Variants in FSTL4 observed in about 807,000 individuals in gnomAD.
FSTL4 encodes follistatin like 4, also known as follistatin-related protein 4.
In FSTL4, 28 loss-of-function variants were observed where a neutral mutation model predicts 78.2. The observed-to-expected ratio is 0.36, with a 90% CI of 0.27 to 0.49. The LOEUF (loss-of-function observed/expected upper bound fraction) is 0.49, where lower values mean the gene tolerates loss of function less well. Ranked by LOEUF, FSTL4 falls within the 20% of genes least tolerant of loss-of-function variation. The pLI, the probability that FSTL4 is intolerant of heterozygous loss-of-function variation, is 0.98. For synonymous variants in FSTL4, 422 were observed against 440.5 expected (o/e 0.96, Z 0.53); for missense variants, 922 against 1,084.9 (o/e 0.85, Z 2.11).
intron 6 of FSTL4, among the ~76,000 whole-genome samples, chr5:133,270,565 G>A (rs1342186682): frequency 4.6e-5 from 7 of 152,180 alleles, no homozygotes; most frequent in South Asian, 2.1e-4. Flanking sequence ...GGGGCAGTCC[G>A]CCTCCTCTGA....
chr5:133,677,088 T>G, the FSTL4 span, among the ~76,000 whole-genome samples: 221 of 152,340 alleles, frequency 1.5e-3, 1 homozygote, highest in African/African-American at 5.1e-3. Flanking sequence ...AATTTAGTCT[T>G]TGGAAAAGAT....
At chr5:133,436,352 T>C (rs1041760920) in intron 3 of FSTL4, among the ~76,000 whole-genome samples, 7 of 152,170 alleles carry the variant, frequency 4.6e-5, no homozygotes, top group South Asian at 2.1e-4. Flanking sequence ...GGGGAGGCAG[T>C]GGGAGTGCTC....
chr5:133,689,025 G>A, the FSTL4 span, among the ~76,000 whole-genome samples: 1 of 151,780 alleles, frequency 6.6e-6, no homozygotes, highest in Non-Finnish European at 1.5e-5. Context: ...TAAGACTCTG[G>A]TGTCATTGCT....
At chr5:133,495,097 G>A (rs995620873) in intron 3 of FSTL4, among the ~76,000 whole-genome samples, 3 of 152,142 alleles carry the variant, frequency 2.0e-5, no homozygotes, top group Middle Eastern at 3.2e-3. Flanking sequence ...GGGGAAACGA[G>A]CAGCCAGAAA....
chr5:133,704,133 A>G, the FSTL4 span, among the ~76,000 whole-genome samples: 5 of 152,250 alleles, frequency 3.3e-5, no homozygotes, highest in Admixed American at 6.5e-5. Flanking sequence ...CAAGATCTTG[A>G]CTGGTAGCAG....
the FSTL4 span, among the ~76,000 whole-genome samples, chr5:133,806,184 C>T: frequency 2.6e-5 from 4 of 152,116 alleles, no homozygotes; most frequent in South Asian, 8.3e-4. Flanking sequence ...GTCTTGGTGT[C>T]GGACGTCTGT....
chr5:133,566,648 A>C (rs1760032821), intron 3 of FSTL4, among the ~76,000 whole-genome samples: 1 of 152,258 alleles, frequency 6.6e-6, no homozygotes, highest in Admixed American at 6.5e-5. Context: ...TTTACCTCAG[A>C]GACCATAAAA....
At chr5:133,456,030 C>T (rs1028934566) in intron 3 of FSTL4, among the ~76,000 whole-genome samples, 2 of 152,184 alleles carry the variant, frequency 1.3e-5, no homozygotes, top group Non-Finnish European at 2.9e-5. Flanking sequence ...CTACTTGCTA[C>T]GTGTAAGGCA....
chr5:133,589,286 T>TAAAAAAAAAA (rs113649317), intron 2 of FSTL4, among the ~76,000 whole-genome samples: 2 of 80,382 alleles, frequency 2.5e-5, no homozygotes, highest in East Asian at 5.2e-4. Flanking sequence ...TAGAGTATAA[T>TAAAAAAAAAA]AAAAAAAAAA....
At chr5:133,831,347 G>T in the FSTL4 span, among the ~76,000 whole-genome samples, 1 of 152,116 alleles carries the variant, frequency 6.6e-6, no homozygotes, top group Non-Finnish European at 1.5e-5. Context: ...ACATCTTGAG[G>T]TTACCAAATT....
At chr5:133,757,309 A>C in the FSTL4 span, among the ~76,000 whole-genome samples, 1 of 152,254 alleles carries the variant, frequency 6.6e-6, no homozygotes, top group African/African-American at 2.4e-5. Flanking sequence ...AACATTTATC[A>C]ATGAATATTT....
intron 2 of FSTL4, among the ~76,000 whole-genome samples, chr5:133,598,595 T>C (rs1303998406): frequency 6.6e-6 from 1 of 152,130 alleles, no homozygotes; most frequent in African/African-American, 2.4e-5. Flanking sequence ...TGACTCAGAA[T>C]AATCAGCAGA....
Position 133,226,006 on chromosome 5 carries a change from T to C in FSTL4, c.1016-187A>G, listed in dbSNP as rs11948392. 9.2e-3 allele frequency: 3,947 copies of C among 430,094 alleles called. 132 individuals carry two copies. Among genetic ancestry groups the C allele is most frequent in the African/African-American group, 0.07 (3,484 of 49,568 alleles). 26.6% of individuals were successfully genotyped at this position (430,094 alleles called of 1,614,324 possible). The stretch of plus-strand genomic sequence containing the variant: ...CTAAAAGAAAGGGCTATAAAATAGA[T>C]TGCAGATAATAAACATGTCAGACTT... On this transcript the variant is annotated intron_variant, in intron 8 of 15. Coordinates refer to ENST00000265342, the MANE Select transcript of FSTL4 (RefSeq NM_015082.2).
the FSTL4 span, among the ~76,000 whole-genome samples, chr5:133,637,234 C>G: frequency 6.6e-6 from 1 of 152,014 alleles, no homozygotes; most frequent in African/African-American, 2.4e-5. Flanking sequence ...CTTGTGCTTG[C>G]CCTTTCTTCT....
At chr5:133,525,785 G>A (rs1441413645) in intron 3 of FSTL4, among the ~76,000 whole-genome samples, 1 of 152,162 alleles carries the variant, frequency 6.6e-6, no homozygotes, top group Non-Finnish European at 1.5e-5. Flanking sequence ...AGCAGGACCC[G>A]AGGTCCCTCA....
At chr5:133,833,253 T>G in the FSTL4 span, among the ~76,000 whole-genome samples, 2 of 152,348 alleles carry the variant, frequency 1.3e-5, no homozygotes, top group East Asian at 1.9e-4. Context: ...AGGTTGTTAC[T>G]GCAGCAAACC....
the FSTL4 span, among the ~76,000 whole-genome samples, chr5:133,805,429 G>A: frequency 5.3e-5 from 8 of 152,086 alleles, no homozygotes; most frequent in South Asian, 1.2e-3. Flanking sequence ...GGAGAAGAGG[G>A]AACAAAAAAC....
intron 3 of FSTL4, among the ~76,000 whole-genome samples, chr5:133,456,985 A>T (rs923504218): frequency 1.3e-5 from 2 of 152,162 alleles, no homozygotes; most frequent in African/African-American, 4.8e-5. Context: ...TTGCTGAAAG[A>T]CCTCATGAAA....
At chr5:133,674,607 G>GTC in the FSTL4 span, among the ~76,000 whole-genome samples, 9,858 of 147,968 alleles carry the variant, frequency 0.067, 381 homozygotes, top group South Asian at 0.12. Context: ...GTGTGTGTGT[G>GTC]TGTCTGTGTG....
Sources: gnomAD v4.1 joint callset for allele counts (sites outside exome capture counted in the v4.1 genomes callset) on GRCh38, gnomAD v4.1.1 for gene constraint, MANE v1.5 for transcripts, NCBI Gene and HGNC (gene_info 2026-07-23, HGNC 2026-07-21) for gene names.